TMEM223: variants seen among roughly 807,000 people sequenced by gnomAD.
The protein encoded by TMEM223 is transmembrane protein 223.
In TMEM223, 14 loss-of-function variants were observed where a neutral mutation model predicts 14.1. That is an observed-to-expected ratio of 0.99 (90% confidence interval 0.66 to 1.55). The LOEUF (loss-of-function observed/expected upper bound fraction) is 1.55, where lower values mean the gene tolerates loss of function less well. Among genes scored for constraint, TMEM223 ranks in the 40% most tolerant of loss-of-function variants. The pLI is 0.00. For synonymous variants in TMEM223, 145 were observed against 120.5 expected, an observed-to-expected ratio of 1.20 and a Z score of -1.33; for missense variants, 346 against 269.9, an observed-to-expected ratio of 1.28 and a Z score of -1.97.
chr11:62,778,959 T>C, intron 1 of TMEM223: 1 of 1,613,594 alleles, frequency 6.2e-7, no homozygotes, highest in Non-Finnish European at 8.5e-7. Flanking sequence ...CCGCAACTGA[T>C]GAAGGTGAGC....
Position 62,791,975 on chromosome 11 carries a change from C to CGCCTCCAAGGCGCCGCCATG in TMEM223, c.-1_19dup (p.Arg7ProfsTer14). 2 of 1,555,902 alleles carry CGCCTCCAAGGCGCCGCCATG rather than the reference C, an allele frequency of 1.3e-6. No homozygotes were observed. The highest frequency in any genetic ancestry group is 1.7e-6 in the Non-Finnish European group (2 of 1,148,000). On this transcript the variant is annotated frameshift_variant, in exon 1 of 2. Coordinates refer to ENST00000307366, the MANE Select transcript of TMEM223 (RefSeq NM_001080501.3). LOFTEE classifies it high-confidence loss of function. The stretch of plus-strand genomic sequence containing the variant: ...CACGGCTAGCAGCCCCGTGGGCCAT[C>CGCCTCCAAGGCGCCGCCATG]GCCTCCAAGGCGCCGCCATGGCCAG...
chr11:62,773,053 G>C (rs2084161016), intron 2 of TMEM223, among the ~76,000 whole-genome samples: 1 of 151,556 alleles, frequency 6.6e-6, no homozygotes, highest in Non-Finnish European at 1.5e-5. Flanking sequence ...GTGTTAGCCA[G>C]GATGGTCTTC....
At chr11:62,787,739 C>T (rs1335323547), downstream of TMEM223, 2 of 679,186 alleles carry the variant, frequency 2.9e-6, no homozygotes, top group Non-Finnish European at 5.1e-6. Flanking sequence ...TGTCCCCTCG[C>T]CAAAGGGACG....
At chr11:62,784,278 G>C (rs1254595359), downstream of TMEM223, among the ~76,000 whole-genome samples, 1 of 138,732 alleles carries the variant, frequency 7.2e-6, no homozygotes, top group Non-Finnish European at 1.6e-5. Flanking sequence ...GTGAGCCACC[G>C]GTGCCTGGCC....
Position 62,790,991 on chromosome 11 carries a change from A to AT in TMEM223, c.317-77dup. The AT allele has an allele frequency of 2.1e-6, 3 of 1,412,004 alleles. No individual in the cohort carries two copies. In the South Asian group the frequency reaches 4.5e-5, roughly 21 times the overall value. The allele number at this position is 1,412,004 out of a possible 1,614,324, so 87.5% of individuals were successfully genotyped here. A position where few individuals can be genotyped will look rare whatever the true frequency, so the allele number is the denominator to read the frequency against. Reference sequence around the variant, plus strand: ...TACCGACCTTTCCAGTGCCCTCTGAATAAGAAATTTGTGGGATGAAAGTAG... The same window carrying AT: ...TACCGACCTTTCCAGTGCCCTCTGAATTAAGAAATTTGTGGGATGAAAGTAG... On this transcript the variant is annotated intron_variant, in intron 1 of 1. Transcript: ENST00000307366.
chr11:62,788,655 G>A (rs2084319740), downstream of TMEM223, among the ~76,000 whole-genome samples: 2 of 142,542 alleles, frequency 1.4e-5, no homozygotes, highest in African/African-American at 5.1e-5. Context: ...AGTGAGCCGA[G>A]ATGGCGCCAC....
downstream of TMEM223, chr11:62,782,607 A>C (rs2084238586): frequency 6.4e-6 from 10 of 1,562,896 alleles, no homozygotes; most frequent in South Asian, 1.2e-4. Flanking sequence ...TGTGCTGTAC[A>C]GATGCTATTC....
intron 1 of TMEM223, chr11:62,775,671 A>G (rs1164479497): frequency 5.1e-6 from 7 of 1,363,182 alleles, no homozygotes; most frequent in Non-Finnish European, 6.9e-6. Context: ...TAGAAACTCC[A>G]GAGCACGAGC....
At chr11:62,781,662 CAA>C (rs58932683) in intron 1 of TMEM223, 64 of 314,674 alleles carry the variant, frequency 2.0e-4, no homozygotes, top group East Asian at 6.2e-4. Context: ...GACTCGGTCT[CAA>C]AAAAAAAAAA....
chr11:62,778,613 A>T, intron 1 of TMEM223: 1 of 612,192 alleles, frequency 1.6e-6, no homozygotes, highest in South Asian at 2.0e-5. Context: ...TGCTGAGCAG[A>T]GCTTCACAGA....
downstream of TMEM223, chr11:62,787,585 A>G: frequency 6.8e-7 from 1 of 1,460,282 alleles, no homozygotes. Flanking sequence ...GGACATGGCG[A>G]GGCCACTTTC....
At chr11:62,778,042 A>G (rs779449092) in intron 1 of TMEM223, 5 of 1,613,946 alleles carry the variant, frequency 3.1e-6, no homozygotes, top group Non-Finnish European at 4.2e-6. Flanking sequence ...GGTGAACTCT[A>G]CTTTCCTGAG....
chr11:62,779,996 T>TTTTTTTTTTG (rs2084216791), intron 1 of TMEM223, among the ~76,000 whole-genome samples: 1 of 118,576 alleles, frequency 8.4e-6, no homozygotes, highest in East Asian at 2.9e-4. Context: ...TTTTTTTTTT[T>TTTTTTTTTTG]AGAGACAGGG....
downstream of TMEM223, among the ~76,000 whole-genome samples, chr11:62,784,838 G>A (rs2084258450): frequency 6.6e-6 from 1 of 152,094 alleles, no homozygotes; most frequent in African/African-American, 2.4e-5. Context: ...TTACTTGTGG[G>A]TCTGCTAAAT....
downstream of TMEM223, chr11:62,787,368 G>C: frequency 3.2e-6 from 5 of 1,539,072 alleles, no homozygotes; most frequent in Admixed American, 1.0e-4. Context: ...CGTGGGTCGC[G>C]CCGGATAAGG....
chr11:62,782,122 G>A (rs2084234469), intron 1 of TMEM223: 3 of 1,607,244 alleles, frequency 1.9e-6, no homozygotes, highest in East Asian at 2.2e-5. Flanking sequence ...GGTGAAATCT[G>A]TAAGCCATGA....
chr11:62,786,847 G>A (rs1394877440), downstream of TMEM223: 3 of 1,597,720 alleles, frequency 1.9e-6, no homozygotes, highest in Non-Finnish European at 2.5e-6. Context: ...GGACAAGAAG[G>A]AGCCGGCGGC....
chr11:62,776,011 C>G (rs2084185483), intron 1 of TMEM223: 2 of 1,480,054 alleles, frequency 1.4e-6, no homozygotes, highest in Admixed American at 2.2e-5. Flanking sequence ...CTGATTTATT[C>G]AAGTGTACAC....
intron 1 of TMEM223, chr11:62,782,406 A>C: frequency 1.3e-6 from 2 of 1,501,470 alleles, no homozygotes; most frequent in Non-Finnish European, 1.8e-6. Context: ...AAATGGGGCG[A>C]AGCCTCTGGC....
Sources: gnomAD v4.1 joint callset for allele counts (sites outside exome capture counted in the v4.1 genomes callset) on GRCh38, gnomAD v4.1.1 for gene constraint, MANE v1.5 for transcripts, NCBI Gene and HGNC (gene_info 2026-07-23, HGNC 2026-07-21) for gene names.